Variants in HMCN1 observed in about 807,000 individuals in gnomAD.
HMCN1 encodes the protein hemicentin 1.
Under a neutral mutation model 625.9 loss-of-function variants are expected in HMCN1, and 321 were observed. The ratio of observed to expected loss-of-function variants is 0.51; its 90% CI spans 0.47 to 0.56. The LOEUF (loss-of-function observed/expected upper bound fraction) is 0.56, where lower values mean the gene tolerates loss of function less well. Ranked by LOEUF, HMCN1 falls within the 20% of genes least tolerant of loss-of-function variation. The pLI is 0.00. For synonymous variants in HMCN1, 2,425 were observed against 2,417.6 expected (o/e 1.00, Z -0.09); for missense variants, 6,588 against 6,887.3 (o/e 0.96, Z 1.54).
rs1657061888 is a variant in HMCN1, at chr1:186,052,934, A to G, written c.6578-18A>G. 1 of 1,590,274 alleles carries G rather than the reference A, an allele frequency of 6.3e-7. No homozygotes were observed. The highest frequency in any genetic ancestry group is 1.1e-5 in the South Asian group (1 of 90,472). On this transcript the variant is annotated intron_variant, in intron 42 of 106. Transcript: ENST00000271588. ...TATATGAAATGAGTGGAAAAATCAT[A>G]TTTTTATTTTTTTCTAGTCCCCCCA...
chr1:185,839,790 C>A (rs1440426802), intron 1 of HMCN1, among the ~76,000 whole-genome samples: 1 of 152,118 alleles, frequency 6.6e-6, no homozygotes, highest in East Asian at 1.9e-4. Flanking sequence ...GTGAAATGAT[C>A]CATGCATTAT....
At chr1:185,935,402 C>A (rs1667761876) in intron 11 of HMCN1, among the ~76,000 whole-genome samples, 1 of 152,052 alleles carries the variant, frequency 6.6e-6, no homozygotes, top group Non-Finnish European at 1.5e-5. Context: ...TAACAGACTT[C>A]TCAAGTAGTT....
Position 186,172,092 on chromosome 1 carries a change from C to T in HMCN1, c.15775C>T (p.Pro5259Ser), listed in dbSNP as rs1185256143. 9 of 1,613,790 alleles carry T rather than the reference C, an allele frequency of 5.6e-6. No homozygotes were observed. The highest frequency in any genetic ancestry group is 7.6e-6 in the Non-Finnish European group (9 of 1,179,780). Residue 5259 changes from proline to serine, a missense_variant, in exon 102 of 107, where the codon CCA (proline) becomes TCA (serine). This residue lies in a region of HMCN1 where 1,954 missense variants were observed against 2,013.1 expected (regional missense o/e 0.97). Coordinates refer to ENST00000271588, the MANE Select transcript of HMCN1 (RefSeq NM_031935.3). ...TGGCTATAAGTGCATTGATCTTTGTCCAAATGGAATGACCAAGGCAGAAAA... is the reference window on the plus strand; with the variant it reads ...TGGCTATAAGTGCATTGATCTTTGTTCAAATGGAATGACCAAGGCAGAAAA... Reference protein sequence around the residue: ...RGGYKCIDLCPNGMTKAENGT... With the variant: ...RGGYKCIDLCSNGMTKAENGT...
At chr1:185,798,299 A>G (rs898448281) in intron 1 of HMCN1, among the ~76,000 whole-genome samples, 1 of 152,198 alleles carries the variant, frequency 6.6e-6, no homozygotes, top group Non-Finnish European at 1.5e-5. Flanking sequence ...TTTCCTTTAT[A>G]GGCAATTAGA....
At position 186,052,983 on chromosome 1, in the gene HMCN1, TACTC is replaced by T; in HGVS notation, c.6611_6614del (p.Thr2204AsnfsTer34). 1 of 1,607,794 alleles carries T rather than the reference TACTC, an allele frequency of 6.2e-7. No homozygotes were observed. Among genetic ancestry groups the T allele is most frequent in the Non-Finnish European group, 8.5e-7 (1 of 1,174,904 alleles). The stretch of plus-strand genomic sequence containing the variant: ...CAAATATTGGTGGTTCTGATGAACT[TACTC>T]AACTTACAGTCATTGAAGGGAATCT... On this transcript the variant is annotated frameshift_variant, in exon 43 of 107. Transcript: ENST00000271588. LOFTEE classifies it high-confidence loss of function.
rs1653577694 is a variant in HMCN1 at position 186,189,526 on chromosome 1, A to G, written c.16556A>G (p.Asn5519Ser). The change falls in exon 107 of 107, where the codon AAC becomes AGC. Residue 5519 changes from asparagine (N) to serine (S), a missense_variant. Coordinates refer to ENST00000271588, the MANE Select transcript of HMCN1 (RefSeq NM_031935.3). The stretch of plus-strand genomic sequence containing the variant: ...GTTGTCCTTAGGTTCTGCCTCAAGA[A>G]CTGTCCACCCAATGATTTGGAATGT... Reference protein sequence around the residue: ...RDPVSGFCLKNCPPNDLECAL... With the variant: ...RDPVSGFCLKSCPPNDLECAL... The G allele has an allele frequency of 6.2e-7, 1 of 1,613,218 alleles. No homozygotes were observed. The highest frequency in any genetic ancestry group is 1.7e-5 in the Admixed American group (1 of 59,974).
At chr1:185,871,063 C>T (rs1373883045) in intron 4 of HMCN1, among the ~76,000 whole-genome samples, 1 of 152,022 alleles carries the variant, frequency 6.6e-6, no homozygotes, top group African/African-American at 2.4e-5. Context: ...AATCCTGTCT[C>T]TACTAAAATA....
At chr1:186,133,182 A>G (rs1460591769) in intron 86 of HMCN1, among the ~76,000 whole-genome samples, 2 of 152,102 alleles carry the variant, frequency 1.3e-5, no homozygotes, top group African/African-American at 2.4e-5. Flanking sequence ...CCAAAAGATT[A>G]TAAATCATGC....
At chr1:186,004,114 A>G (rs1281305186) in intron 29 of HMCN1, among the ~76,000 whole-genome samples, 1 of 152,200 alleles carries the variant, frequency 6.6e-6, no homozygotes, top group Admixed American at 6.6e-5. Flanking sequence ...CTCTGTCTAA[A>G]GACAGTGAAA....
intron 14 of HMCN1, among the ~76,000 whole-genome samples, chr1:185,966,528 G>T (rs1650418322): frequency 6.6e-6 from 1 of 152,120 alleles, no homozygotes; most frequent in Non-Finnish European, 1.5e-5. Flanking sequence ...CTTGGATTCT[G>T]GTTCCCGCTC....
At chr1:186,174,331 T>C (rs998078766) in intron 102 of HMCN1, among the ~76,000 whole-genome samples, 183 bp from the exon 103 acceptor site, 2 of 152,146 alleles carry the variant, frequency 1.3e-5, no homozygotes, top group African/African-American at 2.4e-5. Context: ...AAGCAGCCAT[T>C]TAATAAGTGG....
chr1:186,020,336 G>C (rs187131719), intron 35 of HMCN1, among the ~76,000 whole-genome samples: 1 of 152,014 alleles, frequency 6.6e-6, no homozygotes, highest in South Asian at 2.1e-4. Flanking sequence ...TTTGCTAATA[G>C]GATCGAGTTA....
At chr1:185,866,397 A>ATTTT (rs969071873) in intron 4 of HMCN1, among the ~76,000 whole-genome samples, 73 of 102,600 alleles carry the variant, frequency 7.1e-4, no homozygotes, top group Non-Finnish European at 9.4e-4. Context: ...GTTTGTCATA[A>ATTTT]TTTTTTTTTT....
At chr1:186,008,943 A>T (rs900586683) in intron 30 of HMCN1, among the ~76,000 whole-genome samples, 5 of 152,190 alleles carry the variant, frequency 3.3e-5, no homozygotes, top group African/African-American at 1.2e-4. Flanking sequence ...AAGAAATTAT[A>T]TTTAATACAG....
At chr1:186,111,353 A>C (rs556777141) in intron 71 of HMCN1, among the ~76,000 whole-genome samples, 75 of 152,262 alleles carry the variant, frequency 4.9e-4, no homozygotes, top group African/African-American at 1.7e-3. Flanking sequence ...GAAAAACATT[A>C]TAAGAATCAC....
At chr1:186,114,207 T>A in intron 73 of HMCN1, 84 bp downstream of exon 73, 1 of 1,374,736 alleles carries the variant, frequency 7.3e-7, no homozygotes, top group Non-Finnish European at 1.0e-6. Context: ...TATTTTGGTC[T>A]CATTATGTTT....
intron 2 of HMCN1, among the ~76,000 whole-genome samples, chr1:185,856,383 G>C (rs762452060): frequency 6.6e-6 from 1 of 151,840 alleles, no homozygotes; most frequent in African/African-American, 2.4e-5. Context: ...CCAGCTACTC[G>C]GGAGGCTGAG....
chr1:185,744,052 A>G (rs1052443335), intron 1 of HMCN1, among the ~76,000 whole-genome samples: 1 of 141,392 alleles, frequency 7.1e-6, no homozygotes, highest in Non-Finnish European at 1.5e-5. Context: ...GCAGTGGCGC[A>G]ATCTCGGCTC....
chr1:185,919,231 C>A (rs1666882903), intron 6 of HMCN1, among the ~76,000 whole-genome samples: 1 of 152,066 alleles, frequency 6.6e-6, no homozygotes, highest in Non-Finnish European at 1.5e-5. Context: ...CCCTCCAAGA[C>A]CTTGGTGTCA....
Sources: allele counts gnomAD v4.1 joint callset (sites outside exome capture counted in the v4.1 genomes callset), GRCh38; gene constraint gnomAD v4.1.1; regional missense constraint gnomAD v4.1.1; transcripts MANE v1.5; gene names NCBI Gene and HGNC (gene_info 2026-07-23, HGNC 2026-07-21).